The following SETBP1 variants were observed in gnomAD, a reference collection of about 807,000 sequenced individuals.
SETBP1 encodes the protein SET binding protein 1, also known as SET-binding protein.
A neutral mutation model predicts 101.0 loss-of-function variants in SETBP1; 9 were observed. The observed-to-expected ratio is 0.09, with a 90% CI of 0.05 to 0.16. The LOEUF is 0.16. Ranked by LOEUF, SETBP1 falls within the 10% of genes least tolerant of loss-of-function variation. The pLI, the probability that SETBP1 is intolerant of heterozygous loss-of-function variation, is 1.00. For missense variants in SETBP1, 1,858 were observed against 2,033.8 expected, an observed-to-expected ratio of 0.91 and a Z score of 1.66; for synonymous variants, 818 against 788.5, an observed-to-expected ratio of 1.04 and a Z score of -0.63.
intron 2 of SETBP1, among the ~76,000 whole-genome samples, chr18:44,724,810 T>C (rs2069671477): frequency 6.6e-6 from 1 of 152,202 alleles, no homozygotes; most frequent in South Asian, 2.1e-4. Flanking sequence ...AAGTGGCAAA[T>C]TCCTGTTTTC....
intron 1 of SETBP1, among the ~76,000 whole-genome samples, chr18:44,681,555 C>T (rs2068760380): frequency 7.3e-6 from 1 of 137,576 alleles, no homozygotes; most frequent in East Asian, 2.5e-4. Context: ...GCACCTATTC[C>T]CCCCGCCCCC....
At chr18:44,724,686 T>A (rs1438160573) in intron 2 of SETBP1, among the ~76,000 whole-genome samples, 1 of 151,990 alleles carries the variant, frequency 6.6e-6, no homozygotes, top group Non-Finnish European at 1.5e-5. Context: ...AGGTAAAGCC[T>A]AGAGGATTTG....
At chr18:44,876,783 T>A (rs1284545704) in intron 3 of SETBP1, 62 of 1,473,468 alleles carry the variant, frequency 4.2e-5, no homozygotes, top group Non-Finnish European at 5.3e-5. Flanking sequence ...AGCCCACACC[T>A]GTGGTCATTC....
At chr18:44,755,840 T>C (rs901725389) in intron 2 of SETBP1, among the ~76,000 whole-genome samples, 1 of 152,076 alleles carries the variant, frequency 6.6e-6, no homozygotes, top group Non-Finnish European at 1.5e-5. Context: ...TACAGCTTGG[T>C]TAAAAAAAGT....
chr18:44,938,889 C>T (rs138020700), intron 3 of SETBP1, among the ~76,000 whole-genome samples: 258 of 151,970 alleles, frequency 1.7e-3, no homozygotes, highest in African/African-American at 5.4e-3. Flanking sequence ...GAGTGGCTTG[C>T]GGGCCGCCCT....
intron 2 of SETBP1, among the ~76,000 whole-genome samples, chr18:44,852,383 C>T (rs1474378337): frequency 6.6e-6 from 1 of 152,194 alleles, no homozygotes; most frequent in Non-Finnish European, 1.5e-5. Context: ...TGCACCATTG[C>T]TGCAAACATG....
At chr18:44,745,327 G>A (rs899221723) in intron 2 of SETBP1, among the ~76,000 whole-genome samples, 4 of 152,100 alleles carry the variant, frequency 2.6e-5, no homozygotes, top group Non-Finnish European at 5.9e-5. Flanking sequence ...TTTTAATAGA[G>A]GGCCCTGAGC....
At chr18:44,981,417 T>C (rs1459949145) in intron 4 of SETBP1, among the ~76,000 whole-genome samples, 1 of 152,358 alleles carries the variant, frequency 6.6e-6, no homozygotes, top group East Asian at 1.9e-4. Context: ...AGTCACCTTG[T>C]ATCTAAGCAA....
intron 3 of SETBP1, among the ~76,000 whole-genome samples, chr18:44,938,978 G>C (rs1391218477): frequency 2.0e-5 from 3 of 151,598 alleles, no homozygotes; most frequent in Non-Finnish European, 4.4e-5. Flanking sequence ...GTGTGTGTGT[G>C]TGTGTCTGTG....
chr18:44,782,312 CT>C (rs34108781), intron 2 of SETBP1, among the ~76,000 whole-genome samples: 114,880 of 149,738 alleles, frequency 0.77, 44,173 homozygotes, highest in Admixed American at 0.83. Flanking sequence ...AAAATAAACT[CT>C]TTTTTTTTTT....
At chr18:45,053,940 C>G (rs1018312872) in intron 5 of SETBP1, among the ~76,000 whole-genome samples, 9 of 152,236 alleles carry the variant, frequency 5.9e-5, no homozygotes, top group African/African-American at 1.9e-4. Flanking sequence ...GAGGGTGCAA[C>G]CACCCCCACT....
rs368799467 is a variant in SETBP1 at position 44,919,295 on chromosome 18, C to G, written c.541-30586C>G. Among the ~76,000 whole-genome samples the G allele has an allele frequency of 3.3e-5, 5 of 151,930 alleles. No homozygotes were observed. The East Asian group carries it at 9.7e-4, about 29-fold the overall frequency. ...CACCTAGGTCTCCATTTGCATGTTA[C>G]TCTATCAGAAAGGGTATCCTTAGCC... On this transcript the variant is annotated intron_variant, in intron 3 of 5. Transcript: ENST00000649279.
chr18:44,953,461 A>C, intron 4 of SETBP1, 121 bp downstream of exon 4: 1 of 849,232 alleles, frequency 1.2e-6, no homozygotes. Context: ...ATCAAATTAA[A>C]ATGGGTCTCC....
chr18:44,833,109 G>A (rs1379660522), intron 2 of SETBP1, among the ~76,000 whole-genome samples: 7 of 152,208 alleles, frequency 4.6e-5, no homozygotes, highest in Non-Finnish European at 1.0e-4. Flanking sequence ...TGGGCATGAC[G>A]TAAGCCAAGT....
intron 4 of SETBP1, among the ~76,000 whole-genome samples, chr18:44,982,356 G>C (rs971461348): frequency 6.6e-6 from 1 of 152,226 alleles, no homozygotes. Flanking sequence ...AGTCGCCTCA[G>C]GGGGCCAGAG....
chr18:44,832,551 A>T (rs2072398378), intron 2 of SETBP1, among the ~76,000 whole-genome samples: 1 of 152,240 alleles, frequency 6.6e-6, no homozygotes, highest in Non-Finnish European at 1.5e-5. Context: ...GTCATGGCAG[A>T]ACTAGATATC....
chr18:44,859,274 G>C (rs2073031573), intron 2 of SETBP1, among the ~76,000 whole-genome samples: 1 of 152,330 alleles, frequency 6.6e-6, no homozygotes, highest in Middle Eastern at 3.4e-3. Context: ...CAATACCTTA[G>C]ATGCCTATCT....
chr18:44,856,214 A>G (rs1470895140), intron 2 of SETBP1, among the ~76,000 whole-genome samples: 1 of 152,166 alleles, frequency 6.6e-6, no homozygotes, highest in Non-Finnish European at 1.5e-5. Flanking sequence ...AGAACTTGTT[A>G]AGGGCTATTG....
At chr18:44,746,868 G>A (rs767100789) in intron 2 of SETBP1, among the ~76,000 whole-genome samples, 18 of 152,230 alleles carry the variant, frequency 1.2e-4, no homozygotes, top group African/African-American at 3.6e-4. Flanking sequence ...GATTGGAGAC[G>A]ATTCTGCATA....
Sources: allele counts gnomAD v4.1 joint callset (sites outside exome capture counted in the v4.1 genomes callset), GRCh38; gene constraint gnomAD v4.1.1; transcripts MANE v1.5; gene names NCBI Gene and HGNC (gene_info 2026-07-23, HGNC 2026-07-21).